COMP: variants seen among roughly 807,000 people sequenced by gnomAD.
The protein encoded by COMP is cartilage oligomeric matrix protein (pseudoachondroplasia, epiphyseal dysplasia 1, multiple).
A neutral mutation model predicts 95.8 loss-of-function variants in COMP; 79 were observed. That is an observed-to-expected ratio of 0.82 (90% CI 0.69 to 0.99). COMP has a LOEUF of 0.99. Among genes scored for constraint, COMP ranks in the 50% least tolerant of loss-of-function variants. COMP has a pLI of 0.00. For synonymous variants in COMP, 438 were observed against 433.9 expected, an observed-to-expected ratio of 1.01 and a Z score of -0.12; for missense variants, 906 against 1,076.1, an observed-to-expected ratio of 0.84 and a Z score of 2.21.
rs778579333 is a variant in COMP at position 18,791,262 on chromosome 19, G to A, written c.8C>T (p.Pro3Leu). Residue 3 changes from proline (P) to leucine (L), a missense_variant, in exon 1 of 19, where the codon CCC becomes CTC. Coordinates refer to ENST00000222271, the MANE Select transcript of COMP (RefSeq NM_000095.3). ...GAGCAGAAGAACGCAGGCGGTGTCG[G>A]GGACCATGGCGGTGGCGGGGAGCTG... is the stretch of plus-strand genomic sequence containing the variant. MV[P>L]DTACVLLLTL... is the part of the protein sequence containing the mutation. The A allele has an allele frequency of 6.3e-7, 1 of 1,596,116 alleles. No homozygotes were observed. Among genetic ancestry groups the A allele is most frequent in the Admixed American group, 1.8e-5 (1 of 56,856 alleles).
At position 18,784,951 on chromosome 19, in the gene COMP, G is replaced by C; in HGVS notation, c.1859C>G (p.Thr620Arg). The C allele has an allele frequency of 6.2e-7, 1 of 1,614,074 alleles. No homozygotes were observed. The highest frequency in any genetic ancestry group is 8.5e-7 in the Non-Finnish European group (1 of 1,179,986). ...ACGGAAGGGGTTCGCCTGCCAATAC[G>C]TTTGCTCCATCTGCTTCCACATGAC... Reference protein sequence around the residue: ...YVVMWKQMEQTYWQANPFRAV... With the variant: ...YVVMWKQMEQRYWQANPFRAV... The change falls in exon 16 of 19, where the codon ACG becomes AGG. Residue 620 changes from threonine (T) to arginine (R), a missense_variant. Coordinates refer to ENST00000222271, the MANE Select transcript of COMP (RefSeq NM_000095.3). This position sits in a 1 kb window ranked among gnomAD's most constrained non-coding sequence, Gnocchi z 4.9.
Position 18,788,083 on chromosome 19 carries a change from T to C in COMP, c.975+129A>G, listed in dbSNP as rs551189587. On this transcript the variant is annotated intron_variant, in intron 9 of 18. Coordinates refer to ENST00000222271, the MANE Select transcript of COMP (RefSeq NM_000095.3). This position sits in a 1 kb window ranked among gnomAD's most constrained non-coding sequence, Gnocchi z 4.7. ...CACGCCCCGCTAATTTTTGTATTTT[T>C]AGTAGAGGAGGGGTTTCACCATGAT... The C allele has an allele frequency of 1.3e-6, 1 of 780,928 alleles. No individual in the cohort carries two copies. The highest frequency in any genetic ancestry group is 1.7e-5 in the African/African-American group (1 of 58,286). The allele number at this position is 780,928 out of a possible 1,614,324, so 48.4% of individuals were successfully genotyped here.
Position 18,782,832 on chromosome 19 carries a change from G to A in COMP, c.*83C>T, listed in dbSNP as rs915136263. 6.1e-6 allele frequency: 9 copies of A among 1,484,578 alleles called. No homozygotes were observed. Among genetic ancestry groups the A allele is most frequent in the Admixed American group, 3.4e-5 (2 of 59,594 alleles). 92.0% of individuals were successfully genotyped at this position (1,484,578 alleles called of 1,614,324 possible). A position where few individuals can be genotyped will look rare whatever the true frequency, so the allele number is the denominator to read the frequency against. ...GCCCTTCTCACTTCCCCCTCAGGAC[G>A]GCCACCCCTTGGGGCTGGGTGCAGA... is the stretch of plus-strand genomic sequence containing the variant. On this transcript the variant is annotated 3_prime_UTR_variant, in exon 19 of 19. Transcript: ENST00000222271.
At chr19:18,785,598 C>T in intron 14 of COMP, 52 bp from the exon 15 acceptor site, 1 of 1,613,828 alleles carries the variant, frequency 6.2e-7, no homozygotes, top group Admixed American at 1.7e-5. Context: ...CAGCCCTAGG[C>T]ACCCTGTCCT....
In COMP at chr19:18,786,540, G is replaced by A. The variant is rs751860122; in HGVS notation, c.1246C>T (p.Pro416Ser). ...ACDNCPQKSN[P>S]DQADVDHDFV... ...GTCTGGCCTGCCCTCACCTGATCCG[G>A]GTTGCTCTTCTGGGGACAGTTGTCA... is the stretch of plus-strand genomic sequence containing the variant. Residue 416 changes from proline (P) to serine (S), a missense_variant, in exon 11 of 19, where the codon CCG (proline) becomes TCG (serine). Physicochemically the swap from Pro to Ser is moderately conservative, Grantham distance 74. Coordinates refer to ENST00000222271, the MANE Select transcript of COMP (RefSeq NM_000095.3). 5.6e-6 allele frequency: 9 copies of A among 1,613,676 alleles called. No individual in the cohort carries two copies. The highest frequency in any genetic ancestry group is 4.4e-5 in the South Asian group (4 of 91,086).
Position 18,784,364 on chromosome 19 carries a change from C to T in COMP, c.1915-1G>A. On this transcript the variant is annotated splice_acceptor_variant, in intron 16 of 18. Coordinates refer to ENST00000222271, the MANE Select transcript of COMP (RefSeq NM_000095.3). LOFTEE classifies it high-confidence loss of function. This position sits in a 1 kb window ranked among gnomAD's most constrained non-coding sequence, Gnocchi z 4.9. ...CGGGGCCTGTGGAAGACTTCACAGC[C>T]TGCCAATACCCAGGAAAGGTGGTCA... 10 of 1,613,952 alleles carry T rather than the reference C, an allele frequency of 6.2e-6. No homozygotes were observed. The highest frequency in any genetic ancestry group is 8.5e-6 in the Non-Finnish European group (10 of 1,180,040).
rs1341871099 is a variant in COMP at position 18,790,237 on chromosome 19, G to T, written c.218-123C>A. 1.1e-5 allele frequency: 8 copies of T among 750,972 alleles called. No homozygotes were observed. In the Admixed American group the frequency reaches 1.4e-4, roughly 13 times the overall value. The allele number at this position is 750,972 out of a possible 1,614,324, so 46.5% of individuals were successfully genotyped here. ...TCCCCCCCACCCCCCGCCCCGGGGC[G>T]GCCCGAAATCCTGCGCTGTCCGCGA... On this transcript the variant is annotated intron_variant, in intron 3 of 18. Coordinates refer to ENST00000222271, the MANE Select transcript of COMP (RefSeq NM_000095.3).
In COMP at chr19:18,789,193, G is replaced by T. The variant is rs751329471; in HGVS notation, c.495C>A (p.Gly165=). Residue 165 remains glycine (G), a synonymous_variant, in exon 5 of 19, where the codon GGC becomes GGA. Transcript: ENST00000222271. The surrounding 1 kb of genome is among the most constrained non-coding windows in gnomAD (Gnocchi z 6.1). The part of the protein sequence containing the change: ...PPGYSGPTHQ[G]VGLAFAKANK... ...TGGCCTTGGCGAAAGCCAGCCCCAC[G>T]CCCTGGTGGGTGGGGCCGCTGTACC... 8 of 1,566,744 alleles carry T rather than the reference G, an allele frequency of 5.1e-6. No individual in the cohort carries two copies. In the South Asian group the frequency reaches 9.6e-5, roughly 19 times the overall value.
At chr19:18,790,444 C>G in intron 3 of COMP, 118 bp downstream of exon 3, 1 of 1,310,958 alleles carries the variant, frequency 7.6e-7, no homozygotes, top group East Asian at 2.3e-5. Flanking sequence ...TCCACCTCTC[C>G]GTCAGCCTCC....
chr19:18,784,464 G>C lies in COMP; in HGVS notation c.1915-101C>G, dbSNP rs1289964380. ...AGTTGGGAGCAGCAGGTGGTGGGCG[G>C]CCAGGGGGATCCGGATGAGAGACCC... is the stretch of plus-strand genomic sequence containing the variant. On this transcript the variant is annotated intron_variant, in intron 16 of 18. Coordinates refer to ENST00000222271, the MANE Select transcript of COMP (RefSeq NM_000095.3). This position sits in a 1 kb window ranked among gnomAD's most constrained non-coding sequence, Gnocchi z 4.9. 2.9e-6 allele frequency: 4 copies of C among 1,398,386 alleles called. No individual in the cohort carries two copies. In the Admixed American group the frequency reaches 7.3e-5, roughly 26 times the overall value. 86.6% of individuals were successfully genotyped at this position (1,398,386 alleles called of 1,614,324 possible). A position where few individuals can be genotyped will look rare whatever the true frequency, so the allele number is the denominator to read the frequency against.
chr19:18,787,776 A>C (rs1046222306), intron 9 of COMP, 126 bp from the exon 10 acceptor site: 55 of 1,275,530 alleles, frequency 4.3e-5, no homozygotes, highest in Non-Finnish European at 5.6e-5. Flanking sequence ...TAGACCACGG[A>C]GGCCACGCCC....
intron 11 of COMP, 31 bp downstream of exon 11, chr19:18,786,501 C>T (rs748137604): frequency 1.3e-6 from 2 of 1,590,212 alleles, no homozygotes; most frequent in African/African-American, 1.3e-5. Context: ...ACCCAGAGGG[C>T]TTACCCAGCT....
rs1601057836 is a variant in COMP, at chr19:18,788,696, C to T, written c.658G>A (p.Gly220Ser). 1.9e-6 allele frequency: 3 copies of T among 1,541,066 alleles called. No homozygotes were observed. The highest frequency in any genetic ancestry group is 1.2e-5 in the South Asian group (1 of 83,816). The change falls in exon 7 of 19, where the codon GGC (glycine) becomes AGC (serine). Residue 220 changes from glycine (G) to serine (S), a missense_variant. Coordinates refer to ENST00000222271, the MANE Select transcript of COMP (RefSeq NM_000095.3). This position sits in a 1 kb window ranked among gnomAD's most constrained non-coding sequence, Gnocchi z 4.7. ...QPGFVGDQAS[G>S]CQRRAQRFCP... ...AAGCGCTGTGCGCGCCGCTGGCAGC[C>T]GGACGCCTGGTCGCCCACGAAGCCG...
chr19:18,788,648 C>A lies in COMP; in HGVS notation c.706G>T (p.Glu236Ter), dbSNP rs369872519. 5 of 1,546,304 alleles carry A rather than the reference C, an allele frequency of 3.2e-6. No homozygotes were observed. The highest frequency in any genetic ancestry group is 1.4e-5 in the African/African-American group (1 of 73,024). ...ACGCAGTCTGCATGCTCGTGGCACT[C>A]GCTGGGCGAGCCGTCGGGGCAGAAG... is the stretch of plus-strand genomic sequence containing the variant. ...QRFCPDGSPS[E>*]CHEHADCVLE... is the part of the protein sequence containing the mutation. The change falls in exon 7 of 19, where the codon GAG (glutamate) becomes TAG (stop). Residue 236 changes from glutamate (E) to a stop codon, truncating the protein, a stop_gained. Coordinates refer to ENST00000222271, the MANE Select transcript of COMP (RefSeq NM_000095.3). LOFTEE classifies it high-confidence loss of function. This position sits in a 1 kb window ranked among gnomAD's most constrained non-coding sequence, Gnocchi z 4.7.
chr19:18,787,864 C>CTTTTTCTTTT (rs56093208), intron 9 of COMP, among the ~76,000 whole-genome samples: 11,224 of 108,712 alleles, frequency 0.1, 1,238 homozygotes, highest in African/African-American at 0.18. Flanking sequence ...TTTTCTTTTT[C>CTTTTTCTTTT]TCTTTCTTTC....
rs2055168692 is a variant in COMP at position 18,786,547 on chromosome 19, C to T, written c.1239G>A (p.Lys413=). ...IGDACDNCPQ[K]SNPDQADVDH... is the part of the protein sequence containing the mutation. Reference sequence around the variant, plus strand: ...CTGCCCTCACCTGATCCGGGTTGCTCTTCTGGGGACAGTTGTCACAGGCAT... The same window carrying T: ...CTGCCCTCACCTGATCCGGGTTGCTTTTCTGGGGACAGTTGTCACAGGCAT... Residue 413 remains lysine (K), a synonymous_variant, in exon 11 of 19, where the codon AAG becomes AAA. Transcript: ENST00000222271. 2.5e-6 allele frequency: 4 copies of T among 1,614,096 alleles called. No individual in the cohort carries two copies. The highest frequency in any genetic ancestry group is 1.3e-5 in the African/African-American group (1 of 75,036).
rs1228812665 is a variant in COMP at position 18,784,491 on chromosome 19, C to T, written c.1915-128G>A. 2 of 1,097,044 alleles carry T rather than the reference C, an allele frequency of 1.8e-6. No homozygotes were observed. The highest frequency in any genetic ancestry group is 2.6e-5 in the East Asian group (1 of 39,184). The allele number at this position is 1,097,044 out of a possible 1,614,324, so 68.0% of individuals were successfully genotyped here. On this transcript the variant is annotated intron_variant, in intron 16 of 18. Transcript: ENST00000222271. The surrounding 1 kb of genome is among the most constrained non-coding windows in gnomAD (Gnocchi z 4.9). ...CAGGGGGATCCGGATGAGAGACCCA[C>T]AAGGAAGCCTTCTTCAGGGGCCAAA... is the stretch of plus-strand genomic sequence containing the variant.
intron 10 of COMP, 50 bp from the exon 11 acceptor site, chr19:18,786,700 T>A (rs745529187): frequency 1.4e-6 from 2 of 1,449,774 alleles, no homozygotes; most frequent in African/African-American, 1.4e-5. Context: ...CAGGCCAGAA[T>A]GACTTCATTA....
In COMP at chr19:18,788,995, TG is replaced by T; in HGVS notation, c.529-83del. ...CCTCCTCCACACTTCCTCCGCATCC[TG>T]CCTCTCCCCTCCATCCTGCCCCAAA... On this transcript the variant is annotated intron_variant, in intron 5 of 18. Coordinates refer to ENST00000222271, the MANE Select transcript of COMP (RefSeq NM_000095.3). The surrounding 1 kb of genome is among the most constrained non-coding windows in gnomAD (Gnocchi z 4.7). 1 of 1,559,762 alleles carries T rather than the reference TG, an allele frequency of 6.4e-7. No individual in the cohort carries two copies. The highest frequency in any genetic ancestry group is 8.7e-7 in the Non-Finnish European group (1 of 1,143,964).
Sources: allele counts gnomAD v4.1 joint callset (sites outside exome capture counted in the v4.1 genomes callset), GRCh38; gene constraint gnomAD v4.1.1; non-coding constraint Gnocchi (gnomAD v3.1); transcripts MANE v1.5; gene names NCBI Gene and HGNC (gene_info 2026-07-23, HGNC 2026-07-21).